Variants in USP49 observed in about 807,000 individuals in gnomAD.
USP49 encodes the protein ubiquitin specific peptidase 49, also known as ubiquitin carboxyl-terminal hydrolase 49.
A neutral mutation model predicts 58.6 loss-of-function variants in USP49; 24 were observed. The observed-to-expected ratio is 0.41, with a 90% CI of 0.30 to 0.58. USP49 has a LOEUF of 0.58. Ranked by LOEUF, USP49 falls within the 20% of genes least tolerant of loss-of-function variation. USP49 has a pLI of 0.30. For missense variants in USP49, 703 were observed against 866.1 expected (o/e 0.81, Z 2.36); for synonymous variants, 408 against 365.1 (o/e 1.12, Z -1.34).
At chr6:41,798,629 G>T (rs1472877683) in intron 7 of USP49, 95 bp downstream of exon 7, 7 of 1,605,520 alleles carry the variant, frequency 4.4e-6, no homozygotes, top group Non-Finnish European at 5.1e-6. Context: ...TTCCCTCTAG[G>T]TAATCCATGG....
intron 3 of USP49, among the ~76,000 whole-genome samples, chr6:41,838,281 A>G (rs1335876566): frequency 1.3e-5 from 2 of 152,228 alleles, no homozygotes; most frequent in Non-Finnish European, 2.9e-5. Flanking sequence ...GTCTATCCAC[A>G]TGACAGTTTC....
chr6:41,889,744 C>T (rs116360833), intron 2 of USP49, among the ~76,000 whole-genome samples: 3 of 152,188 alleles, frequency 2.0e-5, no homozygotes, highest in Admixed American at 6.5e-5. Flanking sequence ...ACAAACTAAA[C>T]TTTTTGAAAT....
At chr6:41,878,144 G>A (rs1433609102) in intron 2 of USP49, among the ~76,000 whole-genome samples, 2 of 152,140 alleles carry the variant, frequency 1.3e-5, no homozygotes, top group African/African-American at 4.8e-5. Context: ...GGCAAGAGCT[G>A]TATATATGTT....
intron 5 of USP49, among the ~76,000 whole-genome samples, chr6:41,802,488 T>G (rs1310632844): frequency 7.2e-6 from 1 of 139,178 alleles, no homozygotes; most frequent in East Asian, 2.0e-4. Flanking sequence ...TATTTTTTTT[T>G]TTTGAGACAG....
intron 5 of USP49, 24 bp from the exon 6 acceptor site, chr6:41,799,962 G>A: frequency 1.2e-6 from 2 of 1,606,934 alleles, no homozygotes; most frequent in Non-Finnish European, 8.5e-7. Flanking sequence ...GAAGGTATAA[G>A]ACATAGGTTG....
intron 2 of USP49, among the ~76,000 whole-genome samples, chr6:41,888,516 C>T (rs183165453): frequency 2.6e-5 from 4 of 152,206 alleles, no homozygotes; most frequent in South Asian, 2.1e-4. Flanking sequence ...TACAACAGCA[C>T]GATCTCAGCT....
chr6:41,834,255 CGAGCACT>C (rs1404688438), intron 3 of USP49, among the ~76,000 whole-genome samples: 1 of 152,126 alleles, frequency 6.6e-6, no homozygotes, highest in East Asian at 1.9e-4. Context: ...ATCATAACAT[CGAGCACT>C]GAGCACTATC....
intron 3 of USP49, among the ~76,000 whole-genome samples, chr6:41,852,075 C>T (rs1774040757): frequency 6.6e-6 from 1 of 151,904 alleles, no homozygotes; most frequent in Non-Finnish European, 1.5e-5. Flanking sequence ...GCTGTAATCC[C>T]AGCACTTTGG....
intron 2 of USP49, among the ~76,000 whole-genome samples, chr6:41,890,246 G>A (rs1489749053): frequency 6.6e-6 from 1 of 151,990 alleles, no homozygotes; most frequent in South Asian, 2.1e-4. Context: ...GGATGTGGTG[G>A]TGGGTGCCTG....
At chr6:41,850,005 T>A (rs1390738045) in intron 3 of USP49, among the ~76,000 whole-genome samples, 1 of 152,098 alleles carries the variant, frequency 6.6e-6, no homozygotes, top group Non-Finnish European at 1.5e-5. Flanking sequence ...AATCCACTCT[T>A]AAAATAGCCA....
At chr6:41,816,972 T>G (rs1773363015) in intron 3 of USP49, among the ~76,000 whole-genome samples, 1 of 151,672 alleles carries the variant, frequency 6.6e-6, no homozygotes, top group Non-Finnish European at 1.5e-5. Flanking sequence ...TCCCAAAGTG[T>G]TGTGATTACA....
intron 2 of USP49, among the ~76,000 whole-genome samples, chr6:41,891,256 C>T (rs1484090654): frequency 1.3e-5 from 2 of 152,160 alleles, no homozygotes; most frequent in African/African-American, 4.8e-5. Context: ...TCCCATCCCA[C>T]CACTTGGTAG....
At chr6:41,823,156 A>G (rs1177022404) in intron 3 of USP49, among the ~76,000 whole-genome samples, 2 of 152,252 alleles carry the variant, frequency 1.3e-5, no homozygotes, top group African/African-American at 4.8e-5. Context: ...GCATACATAT[A>G]CACACTCATG....
At chr6:41,839,404 CAAAAAAAAA>C (rs538220746) in intron 3 of USP49, among the ~76,000 whole-genome samples, 9 of 22,256 alleles carry the variant, frequency 4.0e-4, no homozygotes, top group Admixed American at 8.8e-4. Context: ...GGCCTTGTCT[CAAAAAAAAA>C]AAAAAAAAAA....
chr6:41,819,283 T>G (rs1353880885), intron 3 of USP49, among the ~76,000 whole-genome samples: 1 of 152,122 alleles, frequency 6.6e-6, no homozygotes, highest in Non-Finnish European at 1.5e-5. Flanking sequence ...AAGCTAGTGA[T>G]AAAACAAGGT....
At chr6:41,815,150 G>T (rs564252859) in intron 3 of USP49, among the ~76,000 whole-genome samples, 1 of 152,260 alleles carries the variant, frequency 6.6e-6, no homozygotes, top group South Asian at 2.1e-4. Context: ...GCCGGGCGTG[G>T]TGGCTCACAC....
intron 7 of USP49, chr6:41,798,451 A>G: frequency 2.5e-6 from 2 of 807,404 alleles, no homozygotes; most frequent in Non-Finnish European, 3.5e-6. Flanking sequence ...TTTTTGTACT[A>G]TTTTAGTAGA....
At chr6:41,833,239 A>G (rs532502252) in intron 3 of USP49, among the ~76,000 whole-genome samples, 18 of 150,546 alleles carry the variant, frequency 1.2e-4, no homozygotes, top group Non-Finnish European at 2.7e-4. Flanking sequence ...GATGGTCTCG[A>G]TCTCCTGACC....
chr6:41,841,207 C>A (rs1773821878), intron 3 of USP49, among the ~76,000 whole-genome samples: 1 of 152,016 alleles, frequency 6.6e-6, no homozygotes, highest in Non-Finnish European at 1.5e-5. Flanking sequence ...TCCCCGCAAC[C>A]CAGAAGGGTC....
Sources: allele counts gnomAD v4.1 joint callset (sites outside exome capture counted in the v4.1 genomes callset), GRCh38; gene constraint gnomAD v4.1.1; transcripts MANE v1.5; gene names NCBI Gene and HGNC (gene_info 2026-07-23, HGNC 2026-07-21).